The following ZKSCAN7 variants were observed in gnomAD, a reference collection of about 807,000 sequenced individuals.
ZKSCAN7 encodes zinc finger protein with KRAB and SCAN domains 7.
ZKSCAN7 carries 38 observed loss-of-function variants against 65.3 expected under a neutral mutation model. The ratio of observed to expected loss-of-function variants is 0.58; its 90% CI spans 0.45 to 0.76. ZKSCAN7 has a LOEUF of 0.76. ZKSCAN7 is among the 30% of genes least tolerant of loss of function. ZKSCAN7 has a pLI of 0.00. For missense variants in ZKSCAN7, 815 were observed against 913.3 expected, an observed-to-expected ratio of 0.89 and a Z score of 1.39; for synonymous variants, 321 against 321.0, an observed-to-expected ratio of 1.00 and a Z score of 0.00.
At chr3:44,562,453 A>G (rs1400319497) in intron 2 of ZKSCAN7, among the ~76,000 whole-genome samples, 2 of 152,222 alleles carry the variant, frequency 1.3e-5, no homozygotes, top group East Asian at 3.9e-4. Context: ...TGTGTTGGCT[A>G]TTAAAATTTG....
At position 44,565,648 on chromosome 3, in the gene ZKSCAN7, G is replaced by A. The variant is rs770456471; in HGVS notation, c.585G>A (p.Gly195=). 2 of 1,596,862 alleles carry A rather than the reference G, an allele frequency of 1.3e-6. No individual in the cohort carries two copies. The highest frequency in any genetic ancestry group is 8.5e-7 in the Non-Finnish European group (1 of 1,172,510). Residue 195 remains glycine, a synonymous_variant, in exon 3 of 6, where the codon GGG becomes GGA. Transcript: ENST00000426540. ...CAGGGACACACCACCTCCCCAGTGG[G>A]GACTTCGGTACTTATCTCCCCAGCT... The part of the protein sequence containing the change: ...YDPGTHHLPS[G]DFAQCTSPVP...
downstream of ZKSCAN7, among the ~76,000 whole-genome samples, chr3:44,573,201 T>C (rs1410041310): frequency 6.6e-6 from 1 of 152,226 alleles, no homozygotes; most frequent in Non-Finnish European, 1.5e-5. Flanking sequence ...CTTGAACAAC[T>C]TTTCCCTTCC....
In ZKSCAN7 at chr3:44,570,301, C is replaced by A. The variant is rs778003282; in HGVS notation, c.1191C>A (p.His397Gln). The A allele has an allele frequency of 1.2e-5, 20 of 1,614,020 alleles. No homozygotes were observed. The highest frequency in any genetic ancestry group is 3.3e-5 in the Admixed American group (2 of 60,000). ...ECGKAFNRSS[H>Q]LIGHQRIHTG... ...GCAAAGCTTTCAATCGGAGTTCTCACCTTATTGGCCATCAGAGAATCCACA... is the reference window on the plus strand; with the variant it reads ...GCAAAGCTTTCAATCGGAGTTCTCAACTTATTGGCCATCAGAGAATCCACA... The change falls in exon 6 of 6, where the codon CAC becomes CAA. Residue 397 changes from histidine to glutamine, a missense_variant. Transcript: ENST00000426540.
rs1293425714 is a variant in ZKSCAN7, at chr3:44,570,953, G to A, written c.1843G>A (p.Ala615Thr). 6.2e-7 allele frequency: 1 copy of A among 1,614,154 alleles called. No individual in the cohort carries two copies. Among genetic ancestry groups the A allele is most frequent in the South Asian group, 1.1e-5 (1 of 91,084 alleles). The change falls in exon 6 of 6, where the codon GCA (alanine) becomes ACA (threonine). Residue 615 changes from alanine to threonine, a missense_variant. Ala to Thr is a moderately conservative substitution (Grantham distance 58). This residue lies in a region of ZKSCAN7 where 578 missense variants were observed against 629.5 expected (regional missense o/e 0.92). Transcript: ENST00000426540. ...KPFECSECGK[A>T]FGLSKCLIRH... Reference sequence around the variant, plus strand: ...TTTTGAATGTAGCGAGTGTGGTAAGGCATTTGGTCTGAGTAAATGTCTTAT... The same window carrying A: ...TTTTGAATGTAGCGAGTGTGGTAAGACATTTGGTCTGAGTAAATGTCTTAT...
At chr3:44,556,024 G>A (rs1272660921) in intron 1 of ZKSCAN7, among the ~76,000 whole-genome samples, 1 of 152,210 alleles carries the variant, frequency 6.6e-6, no homozygotes, top group African/African-American at 2.4e-5. Context: ...CGATTACAGT[G>A]TGAGATGTGC....
intron 2 of ZKSCAN7, among the ~76,000 whole-genome samples, chr3:44,562,931 C>T (rs1458224658): frequency 6.6e-6 from 1 of 151,742 alleles, no homozygotes; most frequent in Non-Finnish European, 1.5e-5. Context: ...GATCGCGCCA[C>T]TGCACTCCAG....
Position 44,580,834 on chromosome 3 carries a change from G to C in ZKSCAN7, c.812-2138G>C, listed in dbSNP as rs1330348936. On this transcript the variant is annotated intron_variant, in intron 5 of 5. Coordinates refer to the ZKSCAN7 transcript ENST00000341840. ...AACTGTCGCTGCCATTTCGGAGACC[G>C]GTGCACTGAGTTGTCAAAGTCGGTC... 8 of 1,613,198 alleles carry C rather than the reference G, an allele frequency of 5.0e-6. No individual in the cohort carries two copies. The East Asian group carries it at 1.8e-4, about 36-fold the overall frequency.
At chr3:44,579,203 G>A (rs1488726644) in intron 5 of ZKSCAN7, among the ~76,000 whole-genome samples, 1 of 152,230 alleles carries the variant, frequency 6.6e-6, no homozygotes, top group African/African-American at 2.4e-5. Flanking sequence ...CATGCGCAGG[G>A]CTGCATCCTC....
At position 44,570,102 on chromosome 3, in the gene ZKSCAN7, G is replaced by A; in HGVS notation, c.992G>A (p.Gly331Glu). Residue 331 changes from glycine to glutamate, a missense_variant, in exon 6 of 6, where the codon GGG becomes GAG. Gly to Glu is a moderately conservative substitution (Grantham distance 98, BLOSUM62 -2). Transcript: ENST00000426540. ...ELEGQTSDEE[G>E]SRLENDFLEI... ...GAAGGACAAACCTCAGATGAAGAAG[G>A]GAGCAGACTAGAAAATGATTTCTTG... 1 of 1,613,788 alleles carries A rather than the reference G, an allele frequency of 6.2e-7. No homozygotes were observed. Among genetic ancestry groups the A allele is most frequent in the Non-Finnish European group, 8.5e-7 (1 of 1,179,930 alleles).
chr3:44,568,275 T>G, intron 4 of ZKSCAN7, 32 bp from the exon 5 acceptor site: 1 of 1,604,598 alleles, frequency 6.2e-7, no homozygotes, highest in Non-Finnish European at 8.5e-7. Flanking sequence ...AGGCTGTGAA[T>G]GTTCCTGAGC....
At chr3:44,580,365 C>A in intron 5 of ZKSCAN7, 2 of 1,608,914 alleles carry the variant, frequency 1.2e-6, no homozygotes, top group Non-Finnish European at 1.7e-6. Flanking sequence ...CTGGCTGGGA[C>A]TCTGAGCTGG....
chr3:44,560,748 T>C (rs1284580430), intron 2 of ZKSCAN7, among the ~76,000 whole-genome samples: 1 of 152,140 alleles, frequency 6.6e-6, no homozygotes, highest in Non-Finnish European at 1.5e-5. Context: ...GACCTCATGA[T>C]CCTCCCGCCT....
chr3:44,570,370 C>T lies in ZKSCAN7; in HGVS notation c.1260C>T (p.Phe420=). 1 of 1,613,908 alleles carries T rather than the reference C, an allele frequency of 6.2e-7. No homozygotes were observed. The highest frequency in any genetic ancestry group is 8.5e-7 in the Non-Finnish European group (1 of 1,179,890). The part of the protein sequence containing the change: ...PYECNECGKT[F]RQTSQLIVHL... ...AGTGTAATGAGTGTGGGAAGACCTT[C>T]AGGCAAACCTCCCAGCTCATTGTTC... The change falls in exon 6 of 6, where the codon TTC becomes TTT. Residue 420 remains phenylalanine, a synonymous_variant. Coordinates refer to ENST00000426540, the MANE Select transcript of ZKSCAN7 (RefSeq NM_001288590.2).
At chr3:44,581,877 T>C (rs776493129) in intron 5 of ZKSCAN7, among the ~76,000 whole-genome samples, 16 of 152,236 alleles carry the variant, frequency 1.1e-4, no homozygotes, top group Admixed American at 6.5e-5. Context: ...TAACAAGTTA[T>C]TGAGTACTGT....
exon 6 of ZKSCAN7, chr3:44,583,120 G>T (rs1446290258): frequency 6.7e-6 from 2 of 299,090 alleles, no homozygotes; most frequent in East Asian, 1.4e-4. Context: ...TAGAGACGGG[G>T]TTTCACCATG....
chr3:44,580,835 G>GA, intron 5 of ZKSCAN7: 2 of 1,613,426 alleles, frequency 1.2e-6, no homozygotes, highest in Non-Finnish European at 1.7e-6. Context: ...TCGGAGACCG[G>GA]TGCACTGAGT....
Position 44,578,244 on chromosome 3 carries a change from G to GT in ZKSCAN7, c.812-4727dup. 3 of 1,553,824 alleles carry GT rather than the reference G, an allele frequency of 1.9e-6. No homozygotes were observed. The East Asian group carries it at 6.7e-5, about 35-fold the overall frequency. On this transcript the variant is annotated intron_variant, in intron 5 of 5. Transcript: ENST00000341840. ...TCACTTGCGTACTTCTTGTCCCACAGTGCTGTCTGCAGCTCATCCTTGAGG... is the reference window on the plus strand; with the variant it reads ...TCACTTGCGTACTTCTTGTCCCACAGTTGCTGTCTGCAGCTCATCCTTGAGG...
chr3:44,580,030 T>G (rs931359123), intron 5 of ZKSCAN7: 1 of 1,579,480 alleles, frequency 6.3e-7, no homozygotes, highest in Non-Finnish European at 8.7e-7. Context: ...CTTTTCTCGC[T>G]GCGGCCCTGG....
chr3:44,572,346 TTGTGTGTGTGTG>T (rs3080634), downstream of ZKSCAN7, among the ~76,000 whole-genome samples: 2,844 of 143,734 alleles, frequency 0.02, 77 homozygotes, highest in African/African-American at 0.051. Context: ...CGAATGGATT[TTGTGTGTGTGTG>T]TGTGTGTGTG....
Sources: allele counts gnomAD v4.1 joint callset (sites outside exome capture counted in the v4.1 genomes callset), GRCh38; gene constraint gnomAD v4.1.1; regional missense constraint gnomAD v4.1.1; transcripts MANE v1.5; gene names NCBI Gene and HGNC (gene_info 2026-07-23, HGNC 2026-07-21).